Variants in GSAP observed in about 807,000 individuals in gnomAD.
GSAP encodes the protein gamma-secretase-activating protein.
Under a neutral mutation model 131.7 loss-of-function variants are expected in GSAP, and 118 were observed. The ratio of observed to expected loss-of-function variants is 0.90; its 90% CI spans 0.77 to 1.04. The LOEUF (loss-of-function observed/expected upper bound fraction) is 1.04. Ranked by LOEUF, GSAP falls within the 50% of genes least tolerant of loss-of-function variation. GSAP has a pLI of 0.00. For missense variants in GSAP, 1,019 were observed against 1,013.2 expected, an observed-to-expected ratio of 1.01 and a Z score of -0.08; for synonymous variants, 381 against 363.4, an observed-to-expected ratio of 1.05 and a Z score of -0.55.
chr7:77,317,238 G>C (rs1795063351), intron 26 of GSAP, among the ~76,000 whole-genome samples: 1 of 152,090 alleles, frequency 6.6e-6, no homozygotes, highest in South Asian at 2.1e-4. Flanking sequence ...CATGGATGAA[G>C]CTTGAAACCA....
chr7:77,400,724 AG>A (rs1375883778), intron 3 of GSAP, among the ~76,000 whole-genome samples: 1 of 152,234 alleles, frequency 6.6e-6, no homozygotes, highest in Non-Finnish European at 1.5e-5. Flanking sequence ...ACCAAAAACC[AG>A]GAAGATCTCA....
chr7:77,326,420 T>TAG, intron 22 of GSAP, 147 bp from the exon 23 acceptor site: 1 of 580,616 alleles, frequency 1.7e-6, no homozygotes, highest in Admixed American at 3.4e-5. Flanking sequence ...AAGTGTGACC[T>TAG]AGTCCTACAA....
chr7:77,398,391 T>C (rs1210660572), intron 3 of GSAP, among the ~76,000 whole-genome samples: 1 of 151,526 alleles, frequency 6.6e-6, no homozygotes, highest in Non-Finnish European at 1.5e-5. Context: ...TTCCTTTGAC[T>C]CTTGCTCTAA....
chr7:77,387,555 A>G (rs546575607), intron 5 of GSAP, 107 bp from the exon 6 acceptor site: 8 of 661,122 alleles, frequency 1.2e-5, no homozygotes, highest in African/African-American at 9.0e-5. Flanking sequence ...TACAGTGACT[A>G]TAAACTAATA....
rs368402013 is a variant in GSAP, at chr7:77,352,967, A to C, written c.1468T>G (p.Ser490Ala). The change falls in exon 18 of 31, where the codon TCC (serine) becomes GCC (alanine). Residue 490 changes from serine to alanine, a missense_variant. Ser to Ala is a moderately conservative substitution (Grantham distance 99). Coordinates refer to ENST00000257626, the MANE Select transcript of GSAP (RefSeq NM_017439.4). ...TSNMDKLLPH[S>A]SVLTWNTEIP... is the part of the protein sequence containing the mutation. ...ACTGTATTCCAAGTGAGCACTGAGGAATGTGGCAATAGTTTGTCCATGTTA... is the reference window on the plus strand; with the variant it reads ...ACTGTATTCCAAGTGAGCACTGAGGCATGTGGCAATAGTTTGTCCATGTTA... 3.8e-5 allele frequency: 61 copies of C among 1,597,990 alleles called. No individual in the cohort carries two copies. Among genetic ancestry groups the C allele is most frequent in the Non-Finnish European group, 4.7e-5 (55 of 1,165,438 alleles).
chr7:77,314,562 C>T (rs921530414), intron 26 of GSAP, 73 bp from the exon 27 acceptor site: 2 of 1,565,202 alleles, frequency 1.3e-6, no homozygotes, highest in Admixed American at 3.4e-5. Context: ...TGGATTAGAT[C>T]ATGTTAATAA....
Position 77,402,610 on chromosome 7 carries a change from A to AC in GSAP, c.243+1948_243+1949insG. 1.4e-5 allele frequency among the ~76,000 whole-genome samples: 2 copies of AC among 144,058 alleles called. 1 individual carries two copies. Among genetic ancestry groups the AC allele is most frequent in the Non-Finnish European group, 3.1e-5 (2 of 65,392 alleles). The allele number at this position is 144,058 out of a possible 152,430, so 94.5% of individuals were successfully genotyped here. A position where few individuals can be genotyped will look rare whatever the true frequency, so the allele number is the denominator to read the frequency against. Reference sequence around the variant, plus strand: ...CTCTGTCTCAAAAAAAAAAAAAAAAAAAAAAAGAATTTTAAAGCCCATCTA... The same window carrying AC: ...CTCTGTCTCAAAAAAAAAAAAAAAAACAAAAAAGAATTTTAAAGCCCATCTA... On this transcript the variant is annotated intron_variant, in intron 3 of 30. Coordinates refer to ENST00000257626, the MANE Select transcript of GSAP (RefSeq NM_017439.4).
intron 19 of GSAP, among the ~76,000 whole-genome samples, chr7:77,336,405 T>C (rs1211837215): frequency 6.6e-6 from 1 of 152,156 alleles, no homozygotes; most frequent in Admixed American, 6.5e-5. Flanking sequence ...TTCCTCAATT[T>C]CATCATCTAG....
At chr7:77,402,593 C>CAATAAAAAAAAAAAAAAAAA (rs1801531134) in intron 3 of GSAP, among the ~76,000 whole-genome samples, 1 of 24,764 alleles carries the variant, frequency 4.0e-5, no homozygotes, top group Non-Finnish European at 8.9e-5. Context: ...GACTCTGTCT[C>CAATAAAAAAAAAAAAAAAAA]AAAAAAAAAA....
intron 19 of GSAP, among the ~76,000 whole-genome samples, chr7:77,345,677 T>C (rs1036160375): frequency 1.3e-5 from 2 of 152,188 alleles, no homozygotes; most frequent in Admixed American, 6.5e-5. Flanking sequence ...ACTGAGCAAC[T>C]TGTGACACAC....
chr7:77,329,225 G>T, intron 21 of GSAP, 108 bp downstream of exon 21: 1 of 567,722 alleles, frequency 1.8e-6, no homozygotes, highest in Non-Finnish European at 3.1e-6. Context: ...TTATTTTGCT[G>T]GGGATATGCA....
At chr7:77,345,833 C>T (rs1791719743) in intron 19 of GSAP, among the ~76,000 whole-genome samples, 1 of 152,216 alleles carries the variant, frequency 6.6e-6, no homozygotes, top group Admixed American at 6.5e-5. Context: ...AGCTCTATTG[C>T]TCACACAAAG....
chr7:77,342,100 C>G (rs1485464155), intron 19 of GSAP, among the ~76,000 whole-genome samples: 2 of 152,186 alleles, frequency 1.3e-5, no homozygotes, highest in Non-Finnish European at 2.9e-5. Flanking sequence ...ACTCCCAGAG[C>G]CCCTGGAACT....
At chr7:77,367,017 T>A (rs926628826) in intron 12 of GSAP, among the ~76,000 whole-genome samples, 1 of 152,238 alleles carries the variant, frequency 6.6e-6, no homozygotes. Context: ...CTGATTTGGC[T>A]CTTGACTTTG....
In GSAP at chr7:77,312,129, G is replaced by C; in HGVS notation, c.2345C>G (p.Thr782Arg). 2.5e-6 allele frequency: 4 copies of C among 1,601,186 alleles called. No homozygotes were observed. The highest frequency in any genetic ancestry group is 3.4e-6 in the Non-Finnish European group (4 of 1,173,948). Reference sequence around the variant, plus strand: ...TTTCTTATAGTTCTGAAGCAGTCGCGTCACGTGGTTCCGCGAAATGATGTT... The same window carrying C: ...TTTCTTATAGTTCTGAAGCAGTCGCCTCACGTGGTTCCGCGAAATGATGTT... ...SSNIISRNHVTRLLQNYKKQP... is the reference protein window; with the variant it reads ...SSNIISRNHVRRLLQNYKKQP... Residue 782 changes from threonine (T) to arginine (R), a missense_variant, in exon 29 of 31, where the codon ACG (threonine) becomes AGG (arginine). Coordinates refer to ENST00000257626, the MANE Select transcript of GSAP (RefSeq NM_017439.4).
intron 3 of GSAP, 27 bp downstream of exon 3, chr7:77,404,531 TA>T: frequency 8.1e-7 from 1 of 1,235,050 alleles, no homozygotes; most frequent in Non-Finnish European, 1.2e-6. Context: ...GGCAGTAAAG[TA>T]ACCAATGAGT....
intron 14 of GSAP, among the ~76,000 whole-genome samples, chr7:77,358,333 C>A (rs772907304): frequency 6.6e-6 from 1 of 152,298 alleles, no homozygotes; most frequent in East Asian, 1.9e-4. Flanking sequence ...AGAGCAAGAT[C>A]CTGTCTCAAA....
In GSAP at chr7:77,379,797, T is replaced by A. The variant is rs1443314217; in HGVS notation, c.576+1508A>T. On this transcript the variant is annotated intron_variant, in intron 8 of 30. Coordinates refer to ENST00000257626, the MANE Select transcript of GSAP (RefSeq NM_017439.4). ...CCATCCGTCTGTCCTTGTTCTCCCA[T>A]CTACTTAGCCCCTGCGGGACAATGG... 3 of 878,852 alleles carry A rather than the reference T, an allele frequency of 3.4e-6. No individual in the cohort carries two copies. The South Asian group carries it at 1.6e-4, about 46-fold the overall frequency. 54.4% of individuals were successfully genotyped at this position (878,852 alleles called of 1,614,324 possible).
At chr7:77,351,423 T>C (rs1425662448) in intron 18 of GSAP, 36 of 980,274 alleles carry the variant, frequency 3.7e-5, no homozygotes, top group Non-Finnish European at 4.0e-5. Flanking sequence ...TTTATTAAGG[T>C]TGTAGCATTA....
Sources: allele counts gnomAD v4.1 joint callset (sites outside exome capture counted in the v4.1 genomes callset), GRCh38; gene constraint gnomAD v4.1.1; transcripts MANE v1.5; gene names NCBI Gene and HGNC (gene_info 2026-07-23, HGNC 2026-07-21).